The following UBL7 variants were observed in gnomAD, a reference collection of about 807,000 sequenced individuals.
UBL7 encodes the protein ubiquitin like 7.
A neutral mutation model predicts 41.7 loss-of-function variants in UBL7; 21 were observed. The observed-to-expected ratio is 0.50, with a 90% CI of 0.36 to 0.73. The LOEUF (loss-of-function observed/expected upper bound fraction) is 0.73, where lower values mean the gene tolerates loss of function less well. Among genes scored for constraint, UBL7 ranks in the 30% least tolerant of loss-of-function variants. The pLI is 0.00. For synonymous variants in UBL7, 157 were observed against 186.9 expected, an observed-to-expected ratio of 0.84 and a Z score of 1.31; for missense variants, 403 against 478.4, an observed-to-expected ratio of 0.84 and a Z score of 1.47.
intron 5 of UBL7, 91 bp from the exon 6 acceptor site, chr15:74,450,950 C>T (rs2061239748): frequency 3.8e-6 from 5 of 1,325,252 alleles, no homozygotes; most frequent in African/African-American, 1.4e-5. Flanking sequence ...ACCAGCTCAA[C>T]AGGGACACAG....
At chr15:74,448,052 G>A (rs2061202489) in intron 10 of UBL7, among the ~76,000 whole-genome samples, 1 of 152,122 alleles carries the variant, frequency 6.6e-6, no homozygotes, top group Admixed American at 6.5e-5. Context: ...TCTGACCTAG[G>A]CCCTTACTTC....
chr15:74,461,164 C>T (rs996201376), upstream of UBL7: 3 of 989,290 alleles, frequency 3.0e-6, no homozygotes, highest in South Asian at 9.0e-5. Flanking sequence ...TCACTCTGGC[C>T]CTCTCGCCGG....
chr15:74,452,453 A>G, intron 3 of UBL7, 75 bp from the exon 4 acceptor site: 1 of 1,438,898 alleles, frequency 6.9e-7, no homozygotes, highest in Non-Finnish European at 9.6e-7. Context: ...ACATCATTTC[A>G]GCATGTGCCA....
At chr15:74,459,768 C>G (rs1045281109) in intron 1 of UBL7, among the ~76,000 whole-genome samples, 6 of 151,556 alleles carry the variant, frequency 4.0e-5, no homozygotes, top group African/African-American at 1.5e-4. Flanking sequence ...GAGTTCAAGA[C>G]CAGCCTGGCC....
chr15:74,461,117 G>T lies in UBL7; in HGVS notation c.-110C>A, dbSNP rs969317013. ...GCCCCAGCGCCCTCACCCGTCCCGC[G>T]GAAGGAACCCGGCCGCACTGCCGCC... On this transcript the variant is annotated 5_prime_UTR_variant, in exon 1 of 11. Transcript: ENST00000395081. The T allele has an allele frequency of 1.0e-6, 1 of 997,768 alleles. No individual in the cohort carries two copies. The highest frequency in any genetic ancestry group is 5.7e-5 in the Admixed American group (1 of 17,536). 61.8% of individuals were successfully genotyped at this position (997,768 alleles called of 1,614,324 possible).
rs1417095437 is a variant in UBL7, at chr15:74,449,112, G to A, written c.882+74C>T. 6.7e-6 allele frequency: 10 copies of A among 1,482,584 alleles called. No individual in the cohort carries two copies. The Admixed American group carries it at 2.1e-4, about 32-fold the overall frequency. The allele number at this position is 1,482,584 out of a possible 1,614,324, so 91.8% of individuals were successfully genotyped here. On this transcript the variant is annotated intron_variant, in intron 9 of 10. Coordinates refer to ENST00000395081, the MANE Select transcript of UBL7 (RefSeq NM_032907.5). ...AGATCTAGCACCAGGGTCAGCAAAG[G>A]CAAATCTACTCTACTGCTGGGGAGC...
At chr15:74,460,574 G>T in intron 1 of UBL7, 1 of 653,228 alleles carries the variant, frequency 1.5e-6, no homozygotes, top group Non-Finnish European at 2.3e-6. Context: ...AGAACAAAAG[G>T]GCTACAAATA....
chr15:74,454,316 C>A lies in UBL7; in HGVS notation c.305-1938G>T, dbSNP rs545515692. On this transcript the variant is annotated intron_variant, in intron 3 of 10. Coordinates refer to ENST00000395081, the MANE Select transcript of UBL7 (RefSeq NM_032907.5). ...GCTGAGGGGCATATCTGTATTTAAA[C>A]AAGTTGGGTTTACTGCTCAGTACAG... is the stretch of plus-strand genomic sequence containing the variant. Among the ~76,000 whole-genome samples the A allele has an allele frequency of 2.0e-5, 3 of 152,276 alleles. No homozygotes were observed. The South Asian group carries it at 6.2e-4, about 32-fold the overall frequency.
intron 6 of UBL7, 83 bp from the exon 7 acceptor site, chr15:74,450,152 C>T: frequency 1.4e-6 from 2 of 1,454,124 alleles, no homozygotes; most frequent in Non-Finnish European, 1.8e-6. Context: ...TGCCCCCTCA[C>T]AACAATGCAG....
At chr15:74,449,583 C>A (rs1415781128) in intron 8 of UBL7, 43 bp downstream of exon 8, 5 of 1,613,858 alleles carry the variant, frequency 3.1e-6, no homozygotes, top group Admixed American at 1.7e-5. Context: ...AGCACCATCT[C>A]CCCCACATGT....
chr15:74,451,649 C>A, intron 4 of UBL7, 129 bp from the exon 5 acceptor site: 1 of 606,538 alleles, frequency 1.6e-6, no homozygotes, highest in East Asian at 2.8e-5. Context: ...AACAATAGCC[C>A]CAGAAACAGA....
chr15:74,459,930 C>T (rs1259732396), intron 1 of UBL7, among the ~76,000 whole-genome samples: 2 of 65,606 alleles, frequency 3.0e-5, no homozygotes, highest in African/African-American at 8.7e-5. Flanking sequence ...GAGACTCTGT[C>T]GCAAAAAAAA....
At chr15:74,454,497 C>G (rs1414340109) in intron 3 of UBL7, among the ~76,000 whole-genome samples, 1 of 152,010 alleles carries the variant, frequency 6.6e-6, no homozygotes, top group Non-Finnish European at 1.5e-5. Context: ...CTCTTGGGTT[C>G]AACCGATTCT....
chr15:74,457,554 AATAT>A (rs139394877), intron 2 of UBL7, among the ~76,000 whole-genome samples: 1 of 147,188 alleles, frequency 6.8e-6, no homozygotes, highest in Admixed American at 6.8e-5. Flanking sequence ...AAAAAAAAGA[AATAT>A]ATATATATAT....
intron 3 of UBL7, among the ~76,000 whole-genome samples, chr15:74,454,210 A>G (rs980746933): frequency 1.3e-5 from 2 of 152,184 alleles, no homozygotes; most frequent in African/African-American, 4.8e-5. Context: ...TAATGATTAA[A>G]TGAGGTATAA....
Position 74,449,639 on chromosome 15 carries a change from T to G in UBL7, c.701A>C (p.Asp234Ala). ...CAGGCCACTTACTGGGTGAAAGTCA[T>G]CCTCATCATCTGAGAGCCCTTCAAA... ...FLFEGLSDDE[D>A]DFHPNTRSTP... The change falls in exon 8 of 11, where the codon GAT becomes GCT. Residue 234 changes from aspartate (D) to alanine (A), a missense_variant. Physicochemically the swap from Asp to Ala is moderately radical, Grantham distance 126. Transcript: ENST00000395081. 1 of 1,614,066 alleles carries G rather than the reference T, an allele frequency of 6.2e-7. No homozygotes were observed. Among genetic ancestry groups the G allele is most frequent in the South Asian group, 1.1e-5 (1 of 91,076 alleles).
Position 74,458,819 on chromosome 15 carries a change from G to A in UBL7, c.49C>T (p.Leu17Phe). The A allele has an allele frequency of 6.2e-7, 1 of 1,613,406 alleles. No homozygotes were observed. The highest frequency in any genetic ancestry group is 8.5e-7 in the Non-Finnish European group (1 of 1,180,048). ...HLAVKLADQPLTPKSILRLPE... is the reference protein window; with the variant it reads ...HLAVKLADQPFTPKSILRLPE... The stretch of plus-strand genomic sequence containing the variant: ...AACCGAAGAATAGACTTTGGAGTAA[G>A]TGGCTGGTCAGCCAGCTTCACCGCC... The change falls in exon 2 of 11, where the codon CTT becomes TTT. Residue 17 changes from leucine (L) to phenylalanine (F), a missense_variant. Leu to Phe is a conservative substitution (Grantham distance 22). Coordinates refer to ENST00000395081, the MANE Select transcript of UBL7 (RefSeq NM_032907.5).
chr15:74,458,052 C>T (rs139131142), intron 2 of UBL7, among the ~76,000 whole-genome samples: 27 of 152,286 alleles, frequency 1.8e-4, no homozygotes, highest in African/African-American at 6.5e-4. Context: ...TCCCTGAAGA[C>T]CTACCTCAAA....
chr15:74,455,977 A>G (rs973617170), intron 3 of UBL7, among the ~76,000 whole-genome samples: 3 of 152,106 alleles, frequency 2.0e-5, no homozygotes, highest in African/African-American at 7.2e-5. Context: ...CACAAAAAAA[A>G]TTAGCCAGGC....
Sources: allele counts gnomAD v4.1 joint callset (sites outside exome capture counted in the v4.1 genomes callset), GRCh38; gene constraint gnomAD v4.1.1; transcripts MANE v1.5; gene names NCBI Gene and HGNC (gene_info 2026-07-23, HGNC 2026-07-21).